RYR2: variants seen among roughly 807,000 people sequenced by gnomAD.
RYR2 encodes the protein cardiac muscle ryanodine receptor-calcium release channel.
RYR2 carries 227 observed loss-of-function variants against 601.1 expected under a neutral mutation model. That is an observed-to-expected ratio of 0.38 (90% CI 0.34 to 0.42). RYR2 has a LOEUF of 0.42. Ranked by LOEUF, RYR2 falls within the 10% of genes least tolerant of loss-of-function variation. The probability of loss-of-function intolerance (pLI) is 1.00; values close to 1 mark genes in which losing one functional copy is unlikely to be tolerated. For synonymous variants in RYR2, 2,223 were observed against 2,175.1 expected, an observed-to-expected ratio of 1.02 and a Z score of -0.61; for missense variants, 4,646 against 6,156.5, an observed-to-expected ratio of 0.75 and a Z score of 8.21.
chr1:237,508,384 G>A (rs1469422103), intron 23 of RYR2, among the ~76,000 whole-genome samples: 1 of 151,862 alleles, frequency 6.6e-6, no homozygotes, highest in African/African-American at 2.4e-5. Context: ...AGGAATTACA[G>A]GCAACATTCT....
intron 87 of RYR2, among the ~76,000 whole-genome samples, chr1:237,774,390 C>T (rs1694496914): frequency 2.0e-5 from 3 of 152,066 alleles, no homozygotes; most frequent in Admixed American, 1.3e-4. Context: ...AATTGTATCC[C>T]AGGAGCGTAA....
intron 34 of RYR2, among the ~76,000 whole-genome samples, chr1:237,601,311 T>C (rs1301257483): frequency 6.6e-6 from 1 of 152,108 alleles, no homozygotes; most frequent in African/African-American, 2.4e-5. Context: ...GGATATTGTG[T>C]TTAGTGAAAT....
At chr1:237,130,193 G>A (rs943823815) in intron 1 of RYR2, among the ~76,000 whole-genome samples, 6 of 152,122 alleles carry the variant, frequency 3.9e-5, no homozygotes, top group Admixed American at 6.5e-5. Flanking sequence ...AAAACATCAC[G>A]TTGTACACAG....
intron 1 of RYR2, among the ~76,000 whole-genome samples, chr1:237,063,404 T>C (rs1196961760): frequency 6.6e-6 from 1 of 151,984 alleles, no homozygotes; most frequent in East Asian, 1.9e-4. Context: ...GCTTGTGAGT[T>C]ATTCATTCTT....
intron 29 of RYR2, among the ~76,000 whole-genome samples, chr1:237,582,530 C>T (rs180883609): frequency 6.6e-6 from 1 of 152,110 alleles, no homozygotes; most frequent in East Asian, 1.9e-4. Context: ...TTGATACTTT[C>T]ACCCAAATAC....
chr1:237,261,470 T>C (rs1175351383), intron 1 of RYR2, among the ~76,000 whole-genome samples: 1 of 152,234 alleles, frequency 6.6e-6, no homozygotes, highest in African/African-American at 2.4e-5. Flanking sequence ...GCTAAGTCCA[T>C]GCTTTCCTGC....
chr1:237,272,906 C>T (rs150486312), intron 2 of RYR2, among the ~76,000 whole-genome samples: 44 of 152,000 alleles, frequency 2.9e-4, no homozygotes, highest in African/African-American at 9.6e-4. Flanking sequence ...CACCAGAGCA[C>T]GTAAACCCAC....
intron 29 of RYR2, among the ~76,000 whole-genome samples, chr1:237,577,753 G>T (rs1673429142): frequency 6.6e-6 from 1 of 152,136 alleles, no homozygotes; most frequent in African/African-American, 2.4e-5. Flanking sequence ...GATGATGAGA[G>T]TGTGTCACAA....
intron 96 of RYR2, among the ~76,000 whole-genome samples, chr1:237,795,948 A>G (rs1659161180): frequency 1.2e-5 from 1 of 83,392 alleles, no homozygotes; most frequent in South Asian, 6.7e-4. Flanking sequence ...GTATGTGTGC[A>G]TATGTGTACA....
intron 45 of RYR2, 38 bp from the exon 46 acceptor site, chr1:237,638,977 A>C (rs1199214209): frequency 6.2e-7 from 1 of 1,602,236 alleles, no homozygotes; most frequent in Non-Finnish European, 8.5e-7. Context: ...CTTCCATATA[A>C]TCATATTTGT....
chr1:237,084,601 C>G (rs1194481821), intron 1 of RYR2, among the ~76,000 whole-genome samples: 1 of 152,048 alleles, frequency 6.6e-6, no homozygotes, highest in Non-Finnish European at 1.5e-5. Flanking sequence ...GCCCTCAGTC[C>G]CCTCCCTGAT....
intron 17 of RYR2, among the ~76,000 whole-genome samples, chr1:237,487,022 T>C (rs1416346101): frequency 6.6e-6 from 1 of 152,104 alleles, no homozygotes; most frequent in Non-Finnish European, 1.5e-5. Flanking sequence ...GCATTATTAG[T>C]TGTAGTTAGT....
intron 36 of RYR2, among the ~76,000 whole-genome samples, chr1:237,611,922 C>T (rs907665754): frequency 3.3e-5 from 5 of 152,000 alleles, no homozygotes; most frequent in South Asian, 2.1e-4. Context: ...TTCTACTCCT[C>T]GTATATACCC....
intron 51 of RYR2, among the ~76,000 whole-genome samples, chr1:237,651,845 A>G (rs150524284): frequency 0.012 from 1,796 of 152,136 alleles, 26 homozygotes; most frequent in African/African-American, 0.03. Flanking sequence ...AGACCATCCT[A>G]GCTAACACGG....
chr1:237,161,500 G>A (rs961525474), intron 1 of RYR2, among the ~76,000 whole-genome samples: 2 of 148,148 alleles, frequency 1.3e-5, no homozygotes, highest in African/African-American at 5.3e-5. Flanking sequence ...CTCTAAGAAT[G>A]CTGTTTCCAC....
chr1:237,436,919 C>G (rs1403370395), intron 12 of RYR2, among the ~76,000 whole-genome samples: 1 of 150,920 alleles, frequency 6.6e-6, no homozygotes, highest in Non-Finnish European at 1.5e-5. Context: ...TATAAGGCCA[C>G]AGTTCTTCAG....
In RYR2 at chr1:237,711,783, T is replaced by C; in HGVS notation, c.10269T>C (p.Asn3423=). 6.3e-7 allele frequency: 1 copy of C among 1,590,112 alleles called. No homozygotes were observed. The highest frequency in any genetic ancestry group is 8.6e-7 in the Non-Finnish European group (1 of 1,160,348). ...AAGAGCAGAACTTCGTTGTACAGAA[T>C]GAAATCAACAATATGTCTTTCCTTA... ...KREEQNFVVQ[N]EINNMSFLIT... is the part of the protein sequence containing the mutation. The change falls in exon 71 of 105, where the codon AAT becomes AAC. Residue 3423 remains asparagine (N), a synonymous_variant. Transcript: ENST00000366574.
At chr1:237,369,249 T>C (rs903247210) in intron 5 of RYR2, among the ~76,000 whole-genome samples, 1 of 152,184 alleles carries the variant, frequency 6.6e-6, no homozygotes, top group Non-Finnish European at 1.5e-5. Context: ...AAGAGATTAT[T>C]ATTAAGTACA....
intron 96 of RYR2, 47 bp downstream of exon 96, chr1:237,795,378 G>T: frequency 1.0e-6 from 1 of 960,276 alleles, no homozygotes; most frequent in Non-Finnish European, 1.6e-6. Context: ...GCACAGTTTA[G>T]ATTTTTATTT....
Sources: gnomAD v4.1 joint callset for allele counts (sites outside exome capture counted in the v4.1 genomes callset) on GRCh38, gnomAD v4.1.1 for gene constraint, MANE v1.5 for transcripts, NCBI Gene and HGNC (gene_info 2026-07-23, HGNC 2026-07-21) for gene names.